Variants in MGAT4C observed in about 807,000 individuals in gnomAD.
MGAT4C encodes alpha-1,3-mannosyl-glycoprotein 4-beta-N-acetylglucosaminyltransferase C.
A neutral mutation model predicts 40.1 loss-of-function variants in MGAT4C; 19 were observed. The ratio of observed to expected loss-of-function variants is 0.47; its 90% CI spans 0.33 to 0.70. The LOEUF (loss-of-function observed/expected upper bound fraction) is 0.70. Among genes scored for constraint, MGAT4C ranks in the 30% least tolerant of loss-of-function variants. The pLI is 0.02. For synonymous variants in MGAT4C, 181 were observed against 187.1 expected (o/e 0.97, Z 0.27); for missense variants, 491 against 563.2 (o/e 0.87, Z 1.30).
At chr12:86,544,973 T>A (rs368332859) in intron 2 of MGAT4C, among the ~76,000 whole-genome samples, 1 of 152,128 alleles carries the variant, frequency 6.6e-6, no homozygotes, top group Non-Finnish European at 1.5e-5. Context: ...ACTGTTAACC[T>A]ACTTAACATT....
chr12:86,730,600 A>T (rs1950891925), intron 1 of MGAT4C, among the ~76,000 whole-genome samples: 1 of 151,854 alleles, frequency 6.6e-6, no homozygotes, highest in Non-Finnish European at 1.5e-5. Flanking sequence ...CAGATGAGCA[A>T]TTTTTTTTCT....
chr12:86,203,944 C>T (rs966508479), intron 1 of MGAT4C, among the ~76,000 whole-genome samples: 2 of 121,468 alleles, frequency 1.6e-5, no homozygotes, highest in Admixed American at 9.3e-5. Flanking sequence ...GCAACGAGAG[C>T]GAAACTTCGT....
At chr12:86,822,139 CAT>C (rs1304364143) in intron 1 of MGAT4C, among the ~76,000 whole-genome samples, 2 of 150,978 alleles carry the variant, frequency 1.3e-5, no homozygotes, top group Admixed American at 6.6e-5. Flanking sequence ...AATGTTATAA[CAT>C]ATGTGATGTA....
intron 1 of MGAT4C, among the ~76,000 whole-genome samples, chr12:86,170,172 C>T (rs1886659603): frequency 6.6e-6 from 1 of 152,174 alleles, no homozygotes; most frequent in Non-Finnish European, 1.5e-5. Flanking sequence ...AGTTTTTGAA[C>T]ATTCGTGACC....
intron 2 of MGAT4C, among the ~76,000 whole-genome samples, chr12:86,630,759 A>C (rs55663643): frequency 1.6e-4 from 24 of 152,340 alleles, no homozygotes; most frequent in African/African-American, 5.8e-4. Flanking sequence ...ATCTCAAAAT[A>C]ATAAGAACTG....
intron 3 of MGAT4C, among the ~76,000 whole-genome samples, chr12:86,348,017 CACAA>C (rs1421063282): frequency 6.6e-6 from 1 of 152,136 alleles, no homozygotes; most frequent in African/African-American, 2.4e-5. Context: ...AAGATACACA[CACAA>C]ACATTGTGTA....
intron 2 of MGAT4C, among the ~76,000 whole-genome samples, chr12:86,025,652 T>G (rs1436402926): frequency 6.6e-6 from 1 of 151,766 alleles, no homozygotes; most frequent in Non-Finnish European, 1.5e-5. Context: ...CTAGGGGAAC[T>G]TATTTTATGA....
intron 1 of MGAT4C, among the ~76,000 whole-genome samples, chr12:86,755,396 C>A (rs369088287): frequency 3.3e-5 from 5 of 152,088 alleles, no homozygotes; most frequent in African/African-American, 1.2e-4. Flanking sequence ...CTGGAGAATT[C>A]TGACTGATAA....
chr12:86,486,806 T>C (rs1056502381), intron 2 of MGAT4C, among the ~76,000 whole-genome samples: 3 of 152,176 alleles, frequency 2.0e-5, no homozygotes, highest in African/African-American at 7.2e-5. Context: ...AACATTCTTA[T>C]TTTTTAAGTT....
At chr12:86,796,334 G>A (rs1952118769) in intron 1 of MGAT4C, among the ~76,000 whole-genome samples, 1 of 151,866 alleles carries the variant, frequency 6.6e-6, no homozygotes, top group Non-Finnish European at 1.5e-5. Flanking sequence ...TGTACAGTGG[G>A]AAATAACATA....
At chr12:86,360,195 A>G (rs1592740712) in intron 3 of MGAT4C, among the ~76,000 whole-genome samples, 2 of 152,178 alleles carry the variant, frequency 1.3e-5, no homozygotes, top group African/African-American at 4.8e-5. Context: ...ACAAATCAAT[A>G]AATGTAATCC....
chr12:86,660,586 G>T (rs1373997934), intron 2 of MGAT4C, among the ~76,000 whole-genome samples: 1 of 152,082 alleles, frequency 6.6e-6, no homozygotes, highest in East Asian at 1.9e-4. Flanking sequence ...TCATATAGAT[G>T]CTAGCAGAGA....
chr12:86,328,147 G>A (rs983587517), intron 4 of MGAT4C, among the ~76,000 whole-genome samples: 5 of 152,016 alleles, frequency 3.3e-5, no homozygotes, highest in African/African-American at 2.4e-5. Flanking sequence ...ACCATTATAT[G>A]TACCAATACC....
At chr12:86,366,349 C>A (rs1346722841) in intron 3 of MGAT4C, among the ~76,000 whole-genome samples, 1 of 152,122 alleles carries the variant, frequency 6.6e-6, no homozygotes, top group Non-Finnish European at 1.5e-5. Flanking sequence ...TTGACTTCGT[C>A]TTTTCCTATT....
intron 2 of MGAT4C, among the ~76,000 whole-genome samples, chr12:86,491,508 C>T (rs61950778): frequency 0.1 from 15,592 of 151,648 alleles, 1,014 homozygotes; most frequent in Middle Eastern, 0.25. Context: ...AATCAATAAA[C>T]GTAATCCAGC....
intron 2 of MGAT4C, among the ~76,000 whole-genome samples, chr12:86,545,827 A>C (rs994113796): frequency 3.9e-5 from 6 of 151,990 alleles, no homozygotes; most frequent in African/African-American, 1.2e-4. Context: ...CAGGCTCACA[A>C]CACCAAAAAA....
intron 2 of MGAT4C, among the ~76,000 whole-genome samples, chr12:86,016,720 C>A (rs1889122539): frequency 1.3e-5 from 2 of 152,104 alleles, no homozygotes; most frequent in South Asian, 4.1e-4. Context: ...ATTGGTGCAA[C>A]ACAGTGCATA....
At chr12:86,618,871 A>G (rs761595493) in intron 2 of MGAT4C, among the ~76,000 whole-genome samples, 2 of 152,096 alleles carry the variant, frequency 1.3e-5, no homozygotes, top group Non-Finnish European at 2.9e-5. Context: ...ATGATAGATA[A>G]CCTAAATACC....
At chr12:86,682,731 A>T (rs915986259) in intron 2 of MGAT4C, among the ~76,000 whole-genome samples, 1 of 152,172 alleles carries the variant, frequency 6.6e-6, no homozygotes, top group Non-Finnish European at 1.5e-5. Flanking sequence ...ACCACAGAGA[A>T]TAAATGATTC....
Sources: gnomAD v4.1 joint callset for allele counts (sites outside exome capture counted in the v4.1 genomes callset) on GRCh38, gnomAD v4.1.1 for gene constraint, MANE v1.5 for transcripts, NCBI Gene and HGNC (gene_info 2026-07-23, HGNC 2026-07-21) for gene names.